Variants in DENND1B observed in about 807,000 individuals in gnomAD.
DENND1B encodes DENN domain containing 1B, also known as DENN domain-containing protein 1B.
Under a neutral mutation model 90.1 loss-of-function variants are expected in DENND1B, and 59 were observed. The observed-to-expected ratio is 0.65, with a 90% CI of 0.53 to 0.81. The LOEUF (loss-of-function observed/expected upper bound fraction) is 0.81, where lower values mean the gene tolerates loss of function less well. DENND1B is among the 40% of genes least tolerant of loss of function. The pLI, the probability that DENND1B is intolerant of heterozygous loss-of-function variation, is 0.00. For synonymous variants in DENND1B, 337 were observed against 324.6 expected, an observed-to-expected ratio of 1.04 and a Z score of -0.41; for missense variants, 862 against 912.6, an observed-to-expected ratio of 0.94 and a Z score of 0.71.
chr1:197,611,512 C>T (rs1238245826), intron 12 of DENND1B, among the ~76,000 whole-genome samples: 2 of 150,648 alleles, frequency 1.3e-5, no homozygotes, highest in Non-Finnish European at 3.0e-5. Context: ...AATGTACACA[C>T]TGATAAATGG....
intron 20 of DENND1B, among the ~76,000 whole-genome samples, chr1:197,536,146 GAGAGAGAGAGAGAT>G (rs1669873981): frequency 1.7e-5 from 2 of 119,312 alleles, no homozygotes; most frequent in African/African-American, 6.6e-5. Context: ...GATTGAGAGA[GAGAGAGAGAGAGAT>G]AGATGAGATG....
At chr1:197,530,623 A>C (rs1475761669) in intron 20 of DENND1B, among the ~76,000 whole-genome samples, 1 of 152,176 alleles carries the variant, frequency 6.6e-6, no homozygotes, top group East Asian at 1.9e-4. Context: ...GTGATTAGAG[A>C]TTATTAGTGA....
chr1:197,614,410 A>G (rs939481859), intron 11 of DENND1B, among the ~76,000 whole-genome samples: 20 of 151,026 alleles, frequency 1.3e-4, no homozygotes, highest in African/African-American at 4.8e-4. Flanking sequence ...TCCTAATATG[A>G]AATCACCCAA....
chr1:197,592,719 C>T (rs1675343563), intron 14 of DENND1B, among the ~76,000 whole-genome samples: 2 of 152,172 alleles, frequency 1.3e-5, no homozygotes, highest in Non-Finnish European at 2.9e-5. Context: ...AACAGACTGC[C>T]TGCCCATGGT....
intron 2 of DENND1B, chr1:197,735,264 C>G (rs1662535092): frequency 8.8e-7 from 1 of 1,138,406 alleles, no homozygotes; most frequent in African/African-American, 1.6e-5. Context: ...CCAAATACAT[C>G]CACCCAAATA....
rs763874472 is a variant in DENND1B at position 197,735,774 on chromosome 1, C to G, written c.83-20700G>C. The G allele has an allele frequency of 6.8e-6, 11 of 1,611,318 alleles. No homozygotes were observed. The Admixed American group carries it at 1.0e-4, about 15-fold the overall frequency. On this transcript the variant is annotated intron_variant, in intron 2 of 22. Coordinates refer to ENST00000620048, the MANE Select transcript of DENND1B (RefSeq NM_001195215.2). Reference sequence around the variant, plus strand: ...GGCGTACTTTTCCAGGGGGAATCCTCGGCAGATAAGCTGGACTGTCCTCTA... The same window carrying G: ...GGCGTACTTTTCCAGGGGGAATCCTGGGCAGATAAGCTGGACTGTCCTCTA...
rs539507439 is a variant in DENND1B at position 197,760,542 on chromosome 1, G to A, written c.82+12326C>T. 7.9e-5 allele frequency among the ~76,000 whole-genome samples: 12 copies of A among 151,776 alleles called. No individual in the cohort carries two copies. The South Asian group carries it at 1.2e-3, about 16-fold the overall frequency. On this transcript the variant is annotated intron_variant, in intron 2 of 22. Coordinates refer to ENST00000620048, the MANE Select transcript of DENND1B (RefSeq NM_001195215.2). ...TGTAATCCCAGCTACTCGGGAGGCT[G>A]AGGTGGGAAGATCATGCTGGGCCCA...
At chr1:197,672,280 G>A (rs1655589090) in intron 4 of DENND1B, 124 bp from the exon 5 acceptor site, 4 of 1,168,290 alleles carry the variant, frequency 3.4e-6, no homozygotes, top group Non-Finnish European at 4.7e-6. Flanking sequence ...GGTTCTTGAA[G>A]CTAGAACTAT....
intron 5 of DENND1B, among the ~76,000 whole-genome samples, chr1:197,665,066 G>T (rs576513493): frequency 6.6e-6 from 1 of 152,142 alleles, no homozygotes; most frequent in Admixed American, 6.5e-5. Flanking sequence ...GGATATTTTT[G>T]AAATCTTGTT....
chr1:197,644,541 T>G (rs896578208), intron 9 of DENND1B, among the ~76,000 whole-genome samples: 9 of 152,176 alleles, frequency 5.9e-5, no homozygotes, highest in Non-Finnish European at 2.9e-5. Context: ...AGTCAAGACA[T>G]GGTCAGTCAG....
chr1:197,517,188 G>A (rs1300110614), intron 20 of DENND1B, among the ~76,000 whole-genome samples: 1 of 151,980 alleles, frequency 6.6e-6, no homozygotes, highest in East Asian at 1.9e-4. Flanking sequence ...GGGTGTTTGT[G>A]GATTAAAGAG....
At chr1:197,597,831 T>C (rs1251841288) in intron 13 of DENND1B, among the ~76,000 whole-genome samples, 2 of 151,834 alleles carry the variant, frequency 1.3e-5, no homozygotes, top group Non-Finnish European at 2.9e-5. Context: ...ATCAGTCATA[T>C]ACACACTTGA....
chr1:197,694,520 G>A (rs978238344), intron 3 of DENND1B, among the ~76,000 whole-genome samples: 1 of 151,238 alleles, frequency 6.6e-6, no homozygotes, highest in African/African-American at 2.4e-5. Context: ...CCGACTTCAG[G>A]AGAATTGCTT....
chr1:197,599,026 C>G (rs930939263), intron 13 of DENND1B, among the ~76,000 whole-genome samples: 1 of 151,798 alleles, frequency 6.6e-6, no homozygotes, highest in Non-Finnish European at 1.5e-5. Flanking sequence ...TGGATTTTAG[C>G]ACGCTGGGAA....
intron 1 of DENND1B, 167 bp from the exon 2 acceptor site, chr1:197,773,099 C>T (rs1245268500): frequency 3.0e-6 from 2 of 660,158 alleles, no homozygotes; most frequent in Admixed American, 2.6e-5. Context: ...CTCAATTGAG[C>T]AACTTAAAAG....
intron 14 of DENND1B, among the ~76,000 whole-genome samples, chr1:197,594,454 TAAC>T (rs1558283837): frequency 1.3e-5 from 2 of 152,176 alleles, no homozygotes; most frequent in Admixed American, 1.3e-4. Context: ...CGCAGTTTAG[TAAC>T]AACTCCTATT....
At chr1:197,584,747 C>T (rs1674546324) in intron 14 of DENND1B, among the ~76,000 whole-genome samples, 2 of 152,132 alleles carry the variant, frequency 1.3e-5, no homozygotes, top group African/African-American at 4.8e-5. Flanking sequence ...TCATAGCTCA[C>T]TGCAGCCTTG....
At chr1:197,713,878 T>TACA (rs1660313974) in intron 3 of DENND1B, among the ~76,000 whole-genome samples, 1 of 490 alleles carries the variant, frequency 2.0e-3, no homozygotes, top group Non-Finnish European at 3.8e-3. Context: ...ATAACTATTG[T>TACA]TATATATAAT....
At chr1:197,735,249 C>A (rs901762058) in intron 2 of DENND1B, 12 of 1,094,874 alleles carry the variant, frequency 1.1e-5, no homozygotes, top group Middle Eastern at 4.3e-4. Context: ...AAAATGATTA[C>A]AGTACCAAAT....
Sources: gnomAD v4.1 joint callset for allele counts (sites outside exome capture counted in the v4.1 genomes callset) on GRCh38, gnomAD v4.1.1 for gene constraint, MANE v1.5 for transcripts, NCBI Gene and HGNC (gene_info 2026-07-23, HGNC 2026-07-21) for gene names.